Variants in ARK2C observed in about 807,000 individuals in gnomAD.
The protein encoded by ARK2C is E3 ubiquitin-protein ligase ARK2C.
At chr18:46,426,097 G>A in the ARK2C span, among the ~76,000 whole-genome samples, 31 of 152,228 alleles carry the variant, frequency 2.0e-4, no homozygotes, top group African/African-American at 5.8e-4. Context: ...TCACCTTGGC[G>A]GTTAGGATTT....
the ARK2C span, chr18:46,386,196 C>T: frequency 6.6e-6 from 1 of 152,246 alleles, no homozygotes; most frequent in African/African-American, 2.4e-5. Flanking sequence ...TGCCTCATTT[C>T]TTACACTGGC....
the ARK2C span, among the ~76,000 whole-genome samples, chr18:46,341,960 G>A: frequency 6.6e-6 from 1 of 152,168 alleles, no homozygotes; most frequent in Non-Finnish European, 1.5e-5. Flanking sequence ...GAACGGGAGG[G>A]AGCCCGACCC....
the ARK2C span, among the ~76,000 whole-genome samples, chr18:46,454,425 A>G: frequency 6.6e-6 from 1 of 152,176 alleles, no homozygotes; most frequent in Non-Finnish European, 1.5e-5. Flanking sequence ...AGCCATGACA[A>G]TTATACGGGA....
At chr18:46,346,016 G>T in the ARK2C span, among the ~76,000 whole-genome samples, 1 of 152,318 alleles carries the variant, frequency 6.6e-6, no homozygotes, top group Admixed American at 6.5e-5. Flanking sequence ...TGGACGTTTT[G>T]TGTTTTGACT....
chr18:46,391,870 AC>A, the ARK2C span, among the ~76,000 whole-genome samples: 1 of 151,688 alleles, frequency 6.6e-6, no homozygotes, highest in African/African-American at 2.4e-5. Context: ...CCCATATGCA[AC>A]CCATATACAC....
the ARK2C span, among the ~76,000 whole-genome samples, chr18:46,342,456 C>G: frequency 6.6e-6 from 1 of 152,222 alleles, no homozygotes; most frequent in Admixed American, 6.5e-5. Flanking sequence ...CAACCCTGAG[C>G]CTTGCACATC....
chr18:46,405,491 A>G, the ARK2C span, among the ~76,000 whole-genome samples: 1 of 152,084 alleles, frequency 6.6e-6, no homozygotes, highest in African/African-American at 2.4e-5. Flanking sequence ...AATAGGATGG[A>G]GTGGTGGGTG....
At chr18:46,421,902 C>T in the ARK2C span, among the ~76,000 whole-genome samples, 1 of 152,200 alleles carries the variant, frequency 6.6e-6, no homozygotes, top group Non-Finnish European at 1.5e-5. Context: ...CATCACAAAG[C>T]TGCTCTTGGC....
the ARK2C span, among the ~76,000 whole-genome samples, chr18:46,403,245 G>A: frequency 1.3e-5 from 2 of 152,110 alleles, no homozygotes; most frequent in Non-Finnish European, 1.5e-5. Context: ...TCCCAGACTC[G>A]AATCTATTCT....
At chr18:46,349,323 GT>G in the ARK2C span, among the ~76,000 whole-genome samples, 4 of 152,108 alleles carry the variant, frequency 2.6e-5, no homozygotes, top group African/African-American at 9.7e-5. Context: ...CTAGATGGCT[GT>G]TTTTTTGCTG....
chr18:46,459,767 G>C, the ARK2C span: 1 of 153,054 alleles, frequency 6.5e-6, no homozygotes. Flanking sequence ...GTGGAGAAGA[G>C]GCAGGGTCAG....
chr18:46,361,615 T>C, the ARK2C span, among the ~76,000 whole-genome samples: 2 of 152,236 alleles, frequency 1.3e-5, no homozygotes, highest in African/African-American at 4.8e-5. Context: ...TTAATGTTCT[T>C]CTCAGTACTA....
At chr18:46,337,006 A>G in the ARK2C span, 4 of 985,400 alleles carry the variant, frequency 4.1e-6, no homozygotes, top group Admixed American at 1.8e-4. Flanking sequence ...TAATTGTACA[A>G]TGTCAAGAGC....
the ARK2C span, among the ~76,000 whole-genome samples, chr18:46,443,733 C>A: frequency 5.3e-5 from 8 of 152,314 alleles, no homozygotes; most frequent in East Asian, 1.5e-3. Context: ...ATTTATGATC[C>A]TTTACAGAAG....
the ARK2C span, among the ~76,000 whole-genome samples, chr18:46,353,513 A>C: frequency 6.6e-6 from 1 of 152,136 alleles, no homozygotes; most frequent in South Asian, 2.1e-4. Flanking sequence ...GCACTCAATG[A>C]ATGCTAGTTT....
chr18:46,371,708 G>A, the ARK2C span, among the ~76,000 whole-genome samples: 1 of 152,200 alleles, frequency 6.6e-6, no homozygotes, highest in East Asian at 1.9e-4. Context: ...AAGCACTGGT[G>A]TTTCCCAGCT....
At chr18:46,345,974 T>C in the ARK2C span, among the ~76,000 whole-genome samples, 1 of 152,264 alleles carries the variant, frequency 6.6e-6, no homozygotes, top group South Asian at 2.1e-4. Flanking sequence ...CTAGTCAGGA[T>C]TGGAACTCGG....
At chr18:46,442,471 CTTG>C in the ARK2C span, among the ~76,000 whole-genome samples, 6 of 152,052 alleles carry the variant, frequency 3.9e-5, no homozygotes, top group Non-Finnish European at 8.8e-5. Context: ...GCAGACTTTT[CTTG>C]TTGTTGATTT....
the ARK2C span, among the ~76,000 whole-genome samples, chr18:46,393,907 A>G: frequency 6.6e-6 from 1 of 152,186 alleles, no homozygotes; most frequent in Admixed American, 6.5e-5. Flanking sequence ...TCTGAATATT[A>G]GTTGATGTGA....
Sources: gnomAD v4.1 joint callset for allele counts (sites outside exome capture counted in the v4.1 genomes callset) on GRCh38, gnomAD v4.1.1 for gene constraint, MANE v1.5 for transcripts, NCBI Gene and HGNC (gene_info 2026-07-23, HGNC 2026-07-21) for gene names.